The following DPF3 variants were observed in gnomAD, a reference collection of about 807,000 sequenced individuals.
DPF3 encodes zinc finger protein DPF3.
In DPF3, 18 loss-of-function variants were observed where a neutral mutation model predicts 56.8. The ratio of observed to expected loss-of-function variants is 0.32; its 90% CI spans 0.22 to 0.47. The LOEUF (loss-of-function observed/expected upper bound fraction) is 0.47, where lower values mean the gene tolerates loss of function less well. Ranked by LOEUF, DPF3 falls within the 20% of genes least tolerant of loss-of-function variation. DPF3 has a pLI of 1.00. For missense variants in DPF3, 403 were observed against 488.8 expected, an observed-to-expected ratio of 0.82 and a Z score of 1.65; for synonymous variants, 188 against 180.2, an observed-to-expected ratio of 1.04 and a Z score of -0.35.
At chr14:72,835,979 C>A (rs933433593) in intron 1 of DPF3, 21 of 906,668 alleles carry the variant, frequency 2.3e-5, no homozygotes, top group Non-Finnish European at 2.6e-5. Flanking sequence ...AAGATACACC[C>A]GCCGGAGACC....
At chr14:72,834,010 C>T (rs1446788793) in intron 1 of DPF3, among the ~76,000 whole-genome samples, 2 of 151,732 alleles carry the variant, frequency 1.3e-5, no homozygotes, top group African/African-American at 4.8e-5. Context: ...GGTGAAACTC[C>T]TTCTCTACTA....
At chr14:72,779,786 C>T (rs1891894188) in intron 1 of DPF3, among the ~76,000 whole-genome samples, 1 of 152,266 alleles carries the variant, frequency 6.6e-6, no homozygotes, top group Non-Finnish European at 1.5e-5. Flanking sequence ...GCATGACCCT[C>T]TGCCTGAGCA....
chr14:72,749,876 AAGT>A (rs1468116089), intron 3 of DPF3, among the ~76,000 whole-genome samples: 2 of 151,168 alleles, frequency 1.3e-5, no homozygotes, highest in African/African-American at 4.9e-5. Flanking sequence ...AAAGAAAAAA[AAGT>A]AAGAAAGAGA....
intron 1 of DPF3, among the ~76,000 whole-genome samples, chr14:72,826,413 G>T (rs1461271882): frequency 6.6e-6 from 1 of 152,162 alleles, no homozygotes; most frequent in Non-Finnish European, 1.5e-5. Context: ...ACCTTCAGGG[G>T]TCTGAAAAGC....
intron 6 of DPF3, among the ~76,000 whole-genome samples, chr14:72,700,590 G>C (rs1455548286): frequency 6.6e-6 from 1 of 152,198 alleles, no homozygotes; most frequent in Non-Finnish European, 1.5e-5. Context: ...CTGCTCAGTA[G>C]TCATCATCTC....
chr14:72,880,062 G>A, intron 1 of DPF3: 1 of 1,145,764 alleles, frequency 8.7e-7, no homozygotes, highest in Non-Finnish European at 1.2e-6. Context: ...ATATGGCTCA[G>A]TAACAGACAT....
intron 1 of DPF3, among the ~76,000 whole-genome samples, chr14:72,843,513 C>G (rs1487460607): frequency 2.6e-5 from 4 of 152,124 alleles, no homozygotes; most frequent in Admixed American, 6.5e-5. Flanking sequence ...CCATTCAGTT[C>G]AATAATAATA....
rs573755036 is a variant in DPF3, at chr14:72,649,525, G to A, written c.872-19789C>T. On this transcript the variant is annotated intron_variant, in intron 8 of 10. Coordinates refer to ENST00000556509, the MANE Select transcript of DPF3 (RefSeq NM_001280542.3). ...AGAAGACAGGATACAGAGAAGAAGG[G>A]GGCTGGAAGGAGTGGGTGAAAGAAT... 1.8e-4 allele frequency among the ~76,000 whole-genome samples: 27 copies of A among 152,212 alleles called. No individual in the cohort carries two copies. In the South Asian group the frequency reaches 5.4e-3, roughly 30 times the overall value.
In DPF3 at chr14:72,840,416, TCTC is replaced by T. The variant is rs566867614; in HGVS notation, c.32+53638_32+53640del. Among the ~76,000 whole-genome samples the T allele has an allele frequency of 6.3e-4, 96 of 152,298 alleles. 2 individuals carry two copies. The highest frequency in any genetic ancestry group is 2.2e-3 in the African/African-American group (93 of 41,570). ...AATAGCATCATATCACTGATACTAT[TCTC>T]CTACGCCCTACCCTCCCACATGGCT... On this transcript the variant is annotated intron_variant, in intron 1 of 10. Coordinates refer to ENST00000556509, the MANE Select transcript of DPF3 (RefSeq NM_001280542.3).
chr14:72,816,780 C>A (rs1883307779), intron 1 of DPF3, among the ~76,000 whole-genome samples: 1 of 152,220 alleles, frequency 6.6e-6, no homozygotes, highest in South Asian at 2.1e-4. Flanking sequence ...CATTACTTTT[C>A]AACTTCATCC....
intron 1 of DPF3, among the ~76,000 whole-genome samples, chr14:72,840,474 C>T (rs1048556277): frequency 2.6e-5 from 4 of 152,174 alleles, no homozygotes; most frequent in African/African-American, 7.2e-5. Flanking sequence ...CCAGGCGGCC[C>T]GTGTTAACAT....
At chr14:72,848,981 T>G (rs1884865809) in intron 1 of DPF3, among the ~76,000 whole-genome samples, 1 of 152,174 alleles carries the variant, frequency 6.6e-6, no homozygotes, top group South Asian at 2.1e-4. Context: ...TTTCATTCAA[T>G]TCTCACAATA....
intron 4 of DPF3, among the ~76,000 whole-genome samples, chr14:72,729,013 C>T (rs539726103): frequency 2.3e-4 from 35 of 151,940 alleles, no homozygotes; most frequent in East Asian, 1.7e-3. Context: ...TTTGGGAGGC[C>T]GAAGTGGGTA....
intron 2 of DPF3, among the ~76,000 whole-genome samples, chr14:72,764,933 CT>C (rs1300777564): frequency 6.6e-6 from 1 of 152,186 alleles, no homozygotes; most frequent in African/African-American, 2.4e-5. Flanking sequence ...GGGCTGAGCC[CT>C]TAGTCTGTGG....
intron 8 of DPF3, among the ~76,000 whole-genome samples, chr14:72,655,997 A>G (rs1316472733): frequency 1.3e-5 from 2 of 152,172 alleles, no homozygotes. Context: ...CTGCTTGTCT[A>G]TTTGTTTTAG....
intron 9 of DPF3, among the ~76,000 whole-genome samples, chr14:72,623,891 G>C (rs1470083044): frequency 6.6e-6 from 1 of 152,106 alleles, no homozygotes; most frequent in East Asian, 1.9e-4. Flanking sequence ...TCCAGGTCTG[G>C]AGCATAAAAT....
rs530194404 is a variant in DPF3, at chr14:72,720,104, A to G, written c.525+3529T>C. Among the ~76,000 whole-genome samples, 9 of 152,170 alleles carry G rather than the reference A, an allele frequency of 5.9e-5. No individual in the cohort carries two copies. The East Asian group carries it at 1.7e-3, about 29-fold the overall frequency. Reference sequence around the variant, plus strand: ...GCCACCATCCAGAGACCACACACAGAGGTGTCAAGACTTAGACTGCCTCTA... The same window carrying G: ...GCCACCATCCAGAGACCACACACAGGGGTGTCAAGACTTAGACTGCCTCTA... On this transcript the variant is annotated intron_variant, in intron 5 of 10. Transcript: ENST00000556509.
chr14:72,855,235 A>G (rs1477146244), intron 1 of DPF3, among the ~76,000 whole-genome samples: 1 of 152,228 alleles, frequency 6.6e-6, no homozygotes, highest in Non-Finnish European at 1.5e-5. Context: ...TATCTGTGAG[A>G]TGAACGAAAT....
rs1884026738 is a variant in DPF3, at chr14:72,615,317, T to C, written c.*3980A>G. Among the ~76,000 whole-genome samples the C allele has an allele frequency of 6.6e-6, 1 of 152,170 alleles. No homozygotes were observed. Among genetic ancestry groups the C allele is most frequent in the South Asian group, 2.1e-4 (1 of 4,828 alleles). ...TTCTTTGAGTCCTGAGGCCTGAGGT[T>C]GCCAGCAACCTTTCTTCAGCGGCAT... On this transcript the variant is annotated 3_prime_UTR_variant, in exon 11 of 11. Coordinates refer to ENST00000556509, the MANE Select transcript of DPF3 (RefSeq NM_001280542.3).
Sources: allele counts gnomAD v4.1 joint callset (sites outside exome capture counted in the v4.1 genomes callset), GRCh38; gene constraint gnomAD v4.1.1; transcripts MANE v1.5; gene names NCBI Gene and HGNC (gene_info 2026-07-23, HGNC 2026-07-21).